Variants in EMID1 observed in about 807,000 individuals in gnomAD.
The protein encoded by EMID1 is EMI domain-containing protein 1.
EMID1 carries 40 observed loss-of-function variants against 60.6 expected under a neutral mutation model. That is an observed-to-expected ratio of 0.66 (90% CI 0.51 to 0.86). EMID1 has a LOEUF of 0.86. Among genes scored for constraint, EMID1 ranks in the 40% least tolerant of loss-of-function variants. The probability of loss-of-function intolerance (pLI) is 0.00; values close to 1 mark genes in which losing one functional copy is unlikely to be tolerated. For missense variants in EMID1, 585 were observed against 597.1 expected (o/e 0.98, Z 0.21); for synonymous variants, 242 against 231.0 (o/e 1.05, Z -0.43).
At position 29,233,311 on chromosome 22, in the gene EMID1, G is replaced by A. The variant is rs2040821631; in HGVS notation, c.824-68G>A. Reference sequence around the variant, plus strand: ...GGGCAGTCCAAGCTGTCTTGGCAGAGGTGGCAGGTGAAGACTAACCACCCC... The same window carrying A: ...GGGCAGTCCAAGCTGTCTTGGCAGAAGTGGCAGGTGAAGACTAACCACCCC... On this transcript the variant is annotated intron_variant, in intron 8 of 14. Transcript: ENST00000334018. 1.3e-5 allele frequency: 20 copies of A among 1,554,598 alleles called. No homozygotes were observed. In the South Asian group the frequency reaches 1.7e-4, roughly 13 times the overall value.
At chr22:29,210,127 A>C (rs555266985) in intron 1 of EMID1, among the ~76,000 whole-genome samples, 2 of 152,178 alleles carry the variant, frequency 1.3e-5, no homozygotes, top group Admixed American at 1.3e-4. Context: ...TGAACTCCAC[A>C]TGGCATGAGT....
At chr22:29,234,409 C>T in intron 12 of EMID1, 60 bp downstream of exon 12, 1 of 1,568,550 alleles carries the variant, frequency 6.4e-7, no homozygotes, top group Non-Finnish European at 8.7e-7. Context: ...CCAGATTCCT[C>T]CTGTGACTCC....
intron 1 of EMID1, among the ~76,000 whole-genome samples, chr22:29,208,693 C>G (rs1440547685): frequency 6.6e-6 from 1 of 152,184 alleles, no homozygotes; most frequent in Non-Finnish European, 1.5e-5. Flanking sequence ...CTGTTTCCCC[C>G]TCTGTAAAAT....
chr22:29,214,854 C>A, intron 1 of EMID1, 72 bp from the exon 2 acceptor site: 1 of 1,122,468 alleles, frequency 8.9e-7, no homozygotes. Context: ...GACGTCCTCA[C>A]CCATCCTCCT....
chr22:29,250,017 G>A (rs1293128923), intron 13 of EMID1, among the ~76,000 whole-genome samples: 1 of 152,200 alleles, frequency 6.6e-6, no homozygotes, highest in Non-Finnish European at 1.5e-5. Flanking sequence ...CAAGGTGGGA[G>A]GCTCTTTTGA....
chr22:29,218,555 A>G (rs112084396), intron 3 of EMID1, among the ~76,000 whole-genome samples: 5 of 152,268 alleles, frequency 3.3e-5, no homozygotes, highest in African/African-American at 1.2e-4. Context: ...GAGGTGGGGA[A>G]GGGGTCACCT....
intron 3 of EMID1, among the ~76,000 whole-genome samples, chr22:29,220,417 C>G (rs1405119334): frequency 6.6e-6 from 1 of 152,196 alleles, no homozygotes; most frequent in East Asian, 1.9e-4. Context: ...TTGGAGCTCC[C>G]AGCCCCAGCT....
At chr22:29,227,478 G>A (rs187597705) in intron 5 of EMID1, among the ~76,000 whole-genome samples, 2 of 152,122 alleles carry the variant, frequency 1.3e-5, no homozygotes, top group Admixed American at 6.5e-5. Context: ...GCCGAGGCAG[G>A]TGGATTGCTT....
intron 13 of EMID1, among the ~76,000 whole-genome samples, chr22:29,244,071 T>A (rs771357091): frequency 4.6e-5 from 7 of 152,178 alleles, no homozygotes; most frequent in Non-Finnish European, 1.0e-4. Flanking sequence ...ACACGTTTGA[T>A]GTGGTTAATG....
chr22:29,206,089 G>A lies in EMID1; in HGVS notation c.51G>A (p.Pro17=), dbSNP rs923662312. The A allele has an allele frequency of 2.4e-6, 3 of 1,230,668 alleles. No individual in the cohort carries two copies. Among genetic ancestry groups the A allele is most frequent in the African/African-American group, 1.6e-5 (1 of 64,468 alleles). 76.2% of individuals were successfully genotyped at this position (1,230,668 alleles called of 1,614,324 possible). A position where few individuals can be genotyped will look rare whatever the true frequency, so the allele number is the denominator to read the frequency against. ...TGCTCTGCCTCGGGCTCCTGCTCCC[G>A]GGAGGCGGCGCTGCGTGGAGCATCG... The part of the protein sequence containing the change: ...WALLCLGLLL[P]GGGAAWSIGA... The change falls in exon 1 of 15, where the codon CCG becomes CCA. Residue 17 remains proline, a synonymous_variant. Transcript: ENST00000334018.
In EMID1 at chr22:29,233,481, C is replaced by T; in HGVS notation, c.913+13C>T. 1 of 1,613,636 alleles carries T rather than the reference C, an allele frequency of 6.2e-7. No individual in the cohort carries two copies. Among genetic ancestry groups the T allele is most frequent in the African/African-American group, 1.3e-5 (1 of 75,030 alleles). On this transcript the variant is annotated intron_variant, in intron 9 of 14. Transcript: ENST00000334018. ...CCAGGGCCCATGGGTAAGTTGAGTC[C>T]AGGCCAGGGGTAAAGGGTGAAGTTG...
intron 3 of EMID1, among the ~76,000 whole-genome samples, chr22:29,215,858 A>G (rs569733529): frequency 4.6e-5 from 7 of 152,234 alleles, no homozygotes; most frequent in African/African-American, 1.4e-4. Flanking sequence ...AGAATTTTAT[A>G]TATGCTGCAT....
At chr22:29,244,367 G>A (rs1002158548) in intron 13 of EMID1, among the ~76,000 whole-genome samples, 2 of 152,138 alleles carry the variant, frequency 1.3e-5, no homozygotes, top group Non-Finnish European at 2.9e-5. Context: ...GAGGCGGGTA[G>A]ATAACTTGAG....
rs772010569 is a variant in EMID1, at chr22:29,255,544, C to T, written c.1204+1257C>T. 1.3e-5 allele frequency: 6 copies of T among 476,928 alleles called. No individual in the cohort carries two copies. The South Asian group carries it at 1.8e-4, about 14-fold the overall frequency. The allele number at this position is 476,928 out of a possible 1,614,324, so 29.5% of individuals were successfully genotyped here. On this transcript the variant is annotated intron_variant, in intron 14 of 14. Coordinates refer to ENST00000334018, the MANE Select transcript of EMID1 (RefSeq NM_133455.4). ...GGCTCTGGTCACTTGAGTGAATGCG[C>T]ACCTGCTCTGTGCCAGGCACCTTGC...
intron 13 of EMID1, among the ~76,000 whole-genome samples, chr22:29,246,431 G>T (rs1034802291): frequency 6.6e-6 from 1 of 151,998 alleles, no homozygotes; most frequent in Admixed American, 6.6e-5. Flanking sequence ...ACAGTAGGTC[G>T]GGGGCTGTCG....
At chr22:29,241,535 C>G (rs1226761708) in intron 12 of EMID1, among the ~76,000 whole-genome samples, 1 of 151,916 alleles carries the variant, frequency 6.6e-6, no homozygotes, top group African/African-American at 2.4e-5. Flanking sequence ...ATTACAGGCA[C>G]CTGCCACCAC....
At chr22:29,249,815 A>G (rs2041459705) in intron 13 of EMID1, among the ~76,000 whole-genome samples, 1 of 151,060 alleles carries the variant, frequency 6.6e-6, no homozygotes, top group South Asian at 2.1e-4. Flanking sequence ...ATGTTTCACC[A>G]TGTTGGCCAG....
chr22:29,237,725 T>G lies in EMID1; in HGVS notation c.1074+3376T>G, dbSNP rs561750191. On this transcript the variant is annotated intron_variant, in intron 12 of 14. Transcript: ENST00000334018. ...CTGAGGCAGGAGAATGGCATGAACCTGGGGGATGGAGCTTGCAGTGAGTGG... is the reference window on the plus strand; with the variant it reads ...CTGAGGCAGGAGAATGGCATGAACCGGGGGGATGGAGCTTGCAGTGAGTGG... Among the ~76,000 whole-genome samples, 53 of 143,308 alleles carry G rather than the reference T, an allele frequency of 3.7e-4. 12 individuals are homozygous for G. The highest frequency in any genetic ancestry group is 1.3e-3 in the African/African-American group (48 of 36,166). 94.0% of individuals were successfully genotyped at this position (143,308 alleles called of 152,430 possible).
chr22:29,211,067 G>C (rs368698104), intron 1 of EMID1, among the ~76,000 whole-genome samples: 2 of 152,184 alleles, frequency 1.3e-5, no homozygotes. Context: ...GCCTATATGC[G>C]TCCATGCGAG....
Sources: allele counts gnomAD v4.1 joint callset (sites outside exome capture counted in the v4.1 genomes callset), GRCh38; gene constraint gnomAD v4.1.1; transcripts MANE v1.5; gene names NCBI Gene and HGNC (gene_info 2026-07-23, HGNC 2026-07-21).